The following RBMS3 variants were observed in gnomAD, a reference collection of about 807,000 sequenced individuals.
RBMS3 encodes the protein RNA binding motif single stranded interacting protein 3.
RBMS3 carries 27 observed loss-of-function variants against 66.8 expected under a neutral mutation model. The observed-to-expected ratio is 0.40, with a 90% CI of 0.30 to 0.56. The LOEUF is 0.56. RBMS3 is among the 20% of genes least tolerant of loss of function. RBMS3 has a pLI of 0.40. For missense variants in RBMS3, 513 were observed against 549.5 expected (o/e 0.93, Z 0.66); for synonymous variants, 188 against 183.0 (o/e 1.03, Z -0.22).
chr3:29,942,057 G>T (rs2061405063), intron 11 of RBMS3, among the ~76,000 whole-genome samples: 1 of 151,670 alleles, frequency 6.6e-6, no homozygotes, highest in African/African-American at 2.4e-5. Flanking sequence ...TAAAATAACA[G>T]AAAAATAATT....
intron 3 of RBMS3, among the ~76,000 whole-genome samples, chr3:29,577,428 A>G (rs920351477): frequency 1.3e-5 from 2 of 152,178 alleles, no homozygotes; most frequent in Admixed American, 1.3e-4. Flanking sequence ...CCTAGGTCTC[A>G]TGCCATGCCA....
intron 12 of RBMS3, among the ~76,000 whole-genome samples, chr3:29,987,285 T>G (rs1698452308): frequency 6.6e-6 from 1 of 152,214 alleles, no homozygotes; most frequent in East Asian, 1.9e-4. Flanking sequence ...AATTCAATTC[T>G]TGAAGAGTAG....
intron 3 of RBMS3, among the ~76,000 whole-genome samples, chr3:29,546,310 G>T (rs1460564374): frequency 6.6e-6 from 1 of 152,066 alleles, no homozygotes; most frequent in Non-Finnish European, 1.5e-5. Context: ...AAAGTATATT[G>T]CAAAAACGTA....
intron 1 of RBMS3, among the ~76,000 whole-genome samples, chr3:29,322,046 T>C (rs1347550116): frequency 6.6e-6 from 1 of 152,142 alleles, no homozygotes; most frequent in African/African-American, 2.4e-5. Flanking sequence ...GAAATAACAA[T>C]GGTTTTGCCA....
intron 1 of RBMS3, among the ~76,000 whole-genome samples, chr3:29,341,645 C>A (rs1319097372): frequency 6.6e-6 from 1 of 152,092 alleles, no homozygotes; most frequent in Non-Finnish European, 1.5e-5. Flanking sequence ...GCACTGATGA[C>A]CCCCAGCTCT....
chr3:29,918,720 A>G (rs891390924), intron 10 of RBMS3, among the ~76,000 whole-genome samples: 5 of 152,160 alleles, frequency 3.3e-5, no homozygotes, highest in Admixed American at 6.5e-5. Context: ...ATCTAAAACT[A>G]TATGCTAACA....
chr3:29,612,136 A>G (rs935415501), intron 4 of RBMS3, among the ~76,000 whole-genome samples: 1 of 152,088 alleles, frequency 6.6e-6, no homozygotes, highest in African/African-American at 2.4e-5. Context: ...CTGAAGAAGT[A>G]TTCGACCAAA....
chr3:29,835,073 C>G (rs984506495), intron 6 of RBMS3, among the ~76,000 whole-genome samples: 1 of 151,962 alleles, frequency 6.6e-6, no homozygotes, highest in Non-Finnish European at 1.5e-5. Context: ...GTAGTCAATT[C>G]ATCAAGAGGA....
At chr3:29,483,864 G>A (rs1435709184) in intron 2 of RBMS3, among the ~76,000 whole-genome samples, 1 of 152,116 alleles carries the variant, frequency 6.6e-6, no homozygotes, top group Non-Finnish European at 1.5e-5. Flanking sequence ...TTCTTTGTAA[G>A]GTATTAGCCC....
intron 3 of RBMS3, among the ~76,000 whole-genome samples, chr3:29,574,828 AACACACACACACACAC>A (rs201818764): frequency 6.8e-6 from 1 of 146,850 alleles, no homozygotes; most frequent in African/African-American, 2.5e-5. Context: ...TGCATAAGAA[AACACACACACACACAC>A]ACACACACAC....
chr3:29,996,524 C>T (rs1699254680), intron 14 of RBMS3, among the ~76,000 whole-genome samples: 1 of 149,430 alleles, frequency 6.7e-6, no homozygotes, highest in African/African-American at 2.5e-5. Context: ...GGAAGTAAAG[C>T]TCTCCTCAGC....
In RBMS3 at chr3:29,585,270, C is replaced by T. The variant is rs73046543; in HGVS notation, c.308-1844C>T. 7.6e-3 allele frequency among the ~76,000 whole-genome samples: 1,159 copies of T among 152,202 alleles called. 9 individuals are homozygous for T. Among genetic ancestry groups the T allele is most frequent in the South Asian group, 0.033 (157 of 4,824 alleles). On this transcript the variant is annotated intron_variant, in intron 3 of 14. Coordinates refer to ENST00000383767, the MANE Select transcript of RBMS3 (RefSeq NM_001003793.3). ...ATCAACTGCTCCATTGACAAATGTA[C>T]GATTAAATGAGCTCAATTAAATTAT...
At position 29,447,203 on chromosome 3, in the gene RBMS3, G is replaced by A. The variant is rs956135924; in HGVS notation, c.248+12288G>A. On this transcript the variant is annotated intron_variant, in intron 2 of 14. Transcript: ENST00000383767. ...GCTGGGATTACAGTTGTGAGCCGCT[G>A]CACCCAGCCAGCAGTCTTTTAAAGA... Among the ~76,000 whole-genome samples the A allele has an allele frequency of 2.0e-5, 3 of 152,126 alleles. No individual in the cohort carries two copies. In the East Asian group the frequency reaches 5.8e-4, roughly 29 times the overall value.
chr3:29,466,431 T>A (rs776913051), intron 2 of RBMS3, among the ~76,000 whole-genome samples: 4 of 152,164 alleles, frequency 2.6e-5, no homozygotes, highest in Admixed American at 2.6e-4. Context: ...GTTTATATAT[T>A]TTTTTAGCTC....
intron 2 of RBMS3, among the ~76,000 whole-genome samples, chr3:29,466,893 A>G (rs920549150): frequency 1.3e-5 from 2 of 152,180 alleles, no homozygotes; most frequent in Admixed American, 1.3e-4. Context: ...GTATTCAGTG[A>G]TACTAATTGA....
chr3:29,317,751 A>G (rs1454028067), intron 1 of RBMS3, among the ~76,000 whole-genome samples: 5 of 151,790 alleles, frequency 3.3e-5, no homozygotes, highest in Non-Finnish European at 7.4e-5. Flanking sequence ...CATCATTTAA[A>G]CTGTATAGTT....
chr3:29,962,217 C>G (rs1480269538), intron 12 of RBMS3, among the ~76,000 whole-genome samples: 3 of 150,738 alleles, frequency 2.0e-5, no homozygotes, highest in East Asian at 1.9e-4. Context: ...AAATAAATCC[C>G]TATTTGAGTT....
chr3:29,442,478 TAAAA>T (rs1287697826), intron 2 of RBMS3, among the ~76,000 whole-genome samples: 1 of 152,068 alleles, frequency 6.6e-6, no homozygotes, highest in African/African-American at 2.4e-5. Context: ...AAAATAAAAA[TAAAA>T]AAATCATTGA....
intron 8 of RBMS3, among the ~76,000 whole-genome samples, chr3:29,884,679 G>A (rs1010029764): frequency 4.6e-5 from 7 of 151,782 alleles, no homozygotes; most frequent in African/African-American, 1.7e-4. Context: ...ATTTTCATAA[G>A]CATCTGGAAA....
Sources: allele counts gnomAD v4.1 joint callset (sites outside exome capture counted in the v4.1 genomes callset), GRCh38; gene constraint gnomAD v4.1.1; transcripts MANE v1.5; gene names NCBI Gene and HGNC (gene_info 2026-07-23, HGNC 2026-07-21).